ADAMTS17: variants seen among roughly 807,000 people sequenced by gnomAD.
ADAMTS17 encodes A disintegrin and metalloproteinase with thrombospondin motifs 17.
In ADAMTS17, 113 loss-of-function variants were observed where a neutral mutation model predicts 141.5. That is an observed-to-expected ratio of 0.80 (90% confidence interval 0.69 to 0.93). The LOEUF (loss-of-function observed/expected upper bound fraction) is 0.93, where lower values mean the gene tolerates loss of function less well. Among genes scored for constraint, ADAMTS17 ranks in the 40% least tolerant of loss-of-function variants. The probability of loss-of-function intolerance (pLI) is 0.00; values close to 1 mark genes in which losing one functional copy is unlikely to be tolerated. For synonymous variants in ADAMTS17, 768 were observed against 630.6 expected, an observed-to-expected ratio of 1.22 and a Z score of -3.27; for missense variants, 1,659 against 1,517.9, an observed-to-expected ratio of 1.09 and a Z score of -1.54.
chr15:100,022,726 T>C (rs973134733), intron 18 of ADAMTS17, among the ~76,000 whole-genome samples: 1 of 152,190 alleles, frequency 6.6e-6, no homozygotes, highest in African/African-American at 2.4e-5. Context: ...CTGAGTAAAT[T>C]ACAGAGAGTC....
At position 100,152,721 on chromosome 15, in the gene ADAMTS17, C is replaced by T. The variant is rs1475315712; in HGVS notation, c.1364G>A (p.Ser455Asn). Residue 455 changes from serine (S) to asparagine (N), a missense_variant, in exon 10 of 22, where the codon AGC (serine) becomes AAC (asparagine). Ser to Asn is a conservative substitution (Grantham distance 46, BLOSUM62 1). Coordinates refer to ENST00000268070, the MANE Select transcript of ADAMTS17 (RefSeq NM_139057.4). ...GTGCGGGAGGCGTACTGTGTGCTGG[C>T]TTCTGGGGTCCGTGACTAGCAAGCA... ...STCLLVTDPRSQHTVRLPHKL... is the reference protein window; with the variant it reads ...STCLLVTDPRNQHTVRLPHKL... The T allele has an allele frequency of 6.2e-7, 1 of 1,614,234 alleles. No homozygotes were observed. The highest frequency in any genetic ancestry group is 1.6e-4 in the Middle Eastern group (1 of 6,062).
At chr15:100,100,419 C>T (rs1193788584) in intron 14 of ADAMTS17, among the ~76,000 whole-genome samples, 1 of 152,228 alleles carries the variant, frequency 6.6e-6, no homozygotes, top group Non-Finnish European at 1.5e-5. Context: ...TCCACCCTGG[C>T]TCTCACTACT....
intron 15 of ADAMTS17, among the ~76,000 whole-genome samples, chr15:100,058,914 G>A (rs533639197): frequency 1.3e-5 from 2 of 152,220 alleles, no homozygotes; most frequent in Non-Finnish European, 2.9e-5. Flanking sequence ...TGATGGGAAG[G>A]AACATACTGG....
At chr15:100,232,630 G>A (rs1159051413) in intron 7 of ADAMTS17, among the ~76,000 whole-genome samples, 1 of 152,246 alleles carries the variant, frequency 6.6e-6, no homozygotes, top group Non-Finnish European at 1.5e-5. Context: ...CTGGCGGTAA[G>A]TGCAGGACAC....
chr15:100,283,541 C>T (rs922231330), intron 3 of ADAMTS17, among the ~76,000 whole-genome samples: 4 of 152,252 alleles, frequency 2.6e-5, no homozygotes, highest in East Asian at 1.9e-4. Flanking sequence ...AAATGGCAGC[C>T]GCCGCCCTTC....
At chr15:100,103,574 CT>C (rs11411616) in intron 14 of ADAMTS17, among the ~76,000 whole-genome samples, 65 of 150,148 alleles carry the variant, frequency 4.3e-4, no homozygotes, top group African/African-American at 2.2e-4. Flanking sequence ...TCCAGCCACT[CT>C]TTTTTTTTCT....
At chr15:100,010,559 A>G (rs1385028196) in intron 18 of ADAMTS17, among the ~76,000 whole-genome samples, 1 of 152,220 alleles carries the variant, frequency 6.6e-6, no homozygotes, top group Non-Finnish European at 1.5e-5. Flanking sequence ...CCAAGAGGCC[A>G]TGCTCCCAGG....
chr15:100,217,790 T>C (rs538804818), intron 7 of ADAMTS17, among the ~76,000 whole-genome samples: 10 of 152,294 alleles, frequency 6.6e-5, no homozygotes, highest in African/African-American at 2.2e-4. Context: ...ATCATCTATC[T>C]GGTAAGTGAC....
chr15:100,286,753 A>G (rs887074266), intron 3 of ADAMTS17, among the ~76,000 whole-genome samples: 1 of 148,826 alleles, frequency 6.7e-6, no homozygotes. Flanking sequence ...TCAAAAAGCC[A>G]GAGTGTCTTA....
intron 8 of ADAMTS17, among the ~76,000 whole-genome samples, chr15:100,156,050 A>G (rs980805043): frequency 1.3e-5 from 2 of 152,210 alleles, no homozygotes; most frequent in Non-Finnish European, 2.9e-5. Flanking sequence ...TCTTTCAACA[A>G]TCTCAGTGGA....
intron 7 of ADAMTS17, among the ~76,000 whole-genome samples, chr15:100,232,379 C>T (rs1219730390): frequency 6.6e-6 from 1 of 152,242 alleles, no homozygotes; most frequent in Non-Finnish European, 1.5e-5. Context: ...TCCCGGGTAT[C>T]GACCCATCAT....
intron 3 of ADAMTS17, among the ~76,000 whole-genome samples, chr15:100,296,337 T>G (rs1021578951): frequency 1.3e-5 from 2 of 152,148 alleles, no homozygotes; most frequent in African/African-American, 2.4e-5. Context: ...TGGCTCCACA[T>G]GTGCAGAACT....
At chr15:100,063,791 C>T (rs1485892329) in intron 15 of ADAMTS17, 3 of 1,274,342 alleles carry the variant, frequency 2.4e-6, no homozygotes, top group African/African-American at 3.1e-5. Flanking sequence ...AAGTAAACCA[C>T]ACCTCCACCC....
chr15:100,078,777 G>A (rs190849312), intron 15 of ADAMTS17, among the ~76,000 whole-genome samples: 6 of 152,272 alleles, frequency 3.9e-5, no homozygotes, highest in African/African-American at 1.4e-4. Flanking sequence ...AGAGTGAAAA[G>A]CCAACTCATA....
At chr15:100,300,250 C>G (rs1203134448) in intron 3 of ADAMTS17, among the ~76,000 whole-genome samples, 2 of 152,040 alleles carry the variant, frequency 1.3e-5, no homozygotes, top group East Asian at 3.9e-4. Flanking sequence ...GGAGAGACAC[C>G]ACAAGAGAGA....
At chr15:100,318,932 A>G (rs1300955141) in intron 3 of ADAMTS17, among the ~76,000 whole-genome samples, 1 of 152,240 alleles carries the variant, frequency 6.6e-6, no homozygotes, top group Non-Finnish European at 1.5e-5. Flanking sequence ...AGTTCAGGAT[A>G]CCAGCGGGAC....
chr15:100,304,196 T>C (rs1295785852), intron 3 of ADAMTS17, among the ~76,000 whole-genome samples: 1 of 152,144 alleles, frequency 6.6e-6, no homozygotes, highest in Non-Finnish European at 1.5e-5. Flanking sequence ...GCCTGTACTC[T>C]TGAACAACAA....
intron 7 of ADAMTS17, among the ~76,000 whole-genome samples, chr15:100,228,002 C>T (rs775282039): frequency 9.2e-5 from 14 of 152,136 alleles, no homozygotes; most frequent in Non-Finnish European, 2.1e-4. Flanking sequence ...TGATGAATCC[C>T]GACACTCAGA....
Position 100,309,778 on chromosome 15 carries a change from G to A in ADAMTS17, c.616+21111C>T, listed in dbSNP as rs539478663. Among the ~76,000 whole-genome samples, 4 of 152,226 alleles carry A rather than the reference G, an allele frequency of 2.6e-5. No individual in the cohort carries two copies. The South Asian group carries it at 8.3e-4, about 32-fold the overall frequency. On this transcript the variant is annotated intron_variant, in intron 3 of 21. Coordinates refer to ENST00000268070, the MANE Select transcript of ADAMTS17 (RefSeq NM_139057.4). ...TTCCTCCTCTCCTCCAGAACTCTGG[G>A]CCCACCCCAACTGCCTGGGGGTCTG... is the stretch of plus-strand genomic sequence containing the variant.
Sources: gnomAD v4.1 joint callset for allele counts (sites outside exome capture counted in the v4.1 genomes callset) on GRCh38, gnomAD v4.1.1 for gene constraint, MANE v1.5 for transcripts, NCBI Gene and HGNC (gene_info 2026-07-23, HGNC 2026-07-21) for gene names.